The following CFLAR variants were observed in gnomAD, a reference collection of about 807,000 sequenced individuals.
CFLAR encodes the protein CASP8 and FADD-like apoptosis regulator.
A neutral mutation model predicts 51.1 loss-of-function variants in CFLAR; 14 were observed. The observed-to-expected ratio is 0.27, with a 90% CI of 0.18 to 0.43. The LOEUF (loss-of-function observed/expected upper bound fraction) is 0.43, where lower values mean the gene tolerates loss of function less well. CFLAR is among the 20% of genes least tolerant of loss of function. The pLI is 1.00. For missense variants in CFLAR, 390 were observed against 566.5 expected, an observed-to-expected ratio of 0.69 and a Z score of 3.16; for synonymous variants, 210 against 211.6, an observed-to-expected ratio of 0.99 and a Z score of 0.06.
At chr2:201,139,434 T>C (rs1271047230) in intron 4 of CFLAR, 1 of 159,420 alleles carries the variant, frequency 6.3e-6, no homozygotes, top group Non-Finnish European at 1.4e-5. Flanking sequence ...GGGTCTGTGC[T>C]GAGGAGGATT....
Position 201,138,210 on chromosome 2 carries a change from C to A in CFLAR, c.523+2103C>A. On this transcript the variant is annotated intron_variant, in intron 4 of 9. Coordinates refer to ENST00000309955, the MANE Select transcript of CFLAR (RefSeq NM_003879.7). This position sits in a 1 kb window ranked among gnomAD's most constrained non-coding sequence, Gnocchi z 4.0. ...TTTTGTTTGATGTAATGCACCATGG[C>A]GATCTGATACACCGAGTTCCCTTGG... 2.0e-6 allele frequency: 2 copies of A among 979,006 alleles called. No homozygotes were observed. The highest frequency in any genetic ancestry group is 1.7e-6 in the Non-Finnish European group (1 of 605,776). 60.6% of individuals were successfully genotyped at this position (979,006 alleles called of 1,614,324 possible).
chr2:201,161,707 G>A (rs1001480436), intron 9 of CFLAR, among the ~76,000 whole-genome samples: 32 of 148,722 alleles, frequency 2.2e-4, no homozygotes, highest in African/African-American at 6.7e-4. Context: ...GAGCCACTGC[G>A]CCTGGCCACA....
Position 201,130,095 on chromosome 2 carries a change from A to G in CFLAR, c.230A>G (p.Lys77Arg). Residue 77 changes from lysine to arginine, a missense_variant, in exon 2 of 10, where the codon AAA (lysine) becomes AGA (arginine). Transcript: ENST00000309955. ...AAACGTATCTTGAAGATGGACAGAA[A>G]AGCTGTGGAGACCCACCTGCTCAGG... ...LLKRILKMDRKAVETHLLRNP... is the reference protein window; with the variant it reads ...LLKRILKMDRRAVETHLLRNP... 1 of 1,570,968 alleles carries G rather than the reference A, an allele frequency of 6.4e-7. No individual in the cohort carries two copies. The highest frequency in any genetic ancestry group is 8.7e-7 in the Non-Finnish European group (1 of 1,152,712).
In CFLAR at chr2:201,167,003, A is replaced by C. The variant is rs1001113135; in HGVS notation, c.*3030A>C. The C allele has an allele frequency of 1.3e-5, 2 of 152,002 alleles. No homozygotes were observed. The highest frequency in any genetic ancestry group is 2.9e-5 in the Non-Finnish European group (2 of 67,994). The allele number at this position is 152,002 out of a possible 1,614,324, so 9.4% of individuals were successfully genotyped here. ...GAGAGGGCTATTTTTAAAATTTTTT[A>C]AAATTGCTGAACAGGGGTACCTCTG... On this transcript the variant is annotated 3_prime_UTR_variant, in exon 10 of 10. Coordinates refer to ENST00000309955, the MANE Select transcript of CFLAR (RefSeq NM_003879.7).
intron 2 of CFLAR, among the ~76,000 whole-genome samples, chr2:201,132,205 T>G (rs913086714): frequency 6.6e-6 from 1 of 151,994 alleles, no homozygotes; most frequent in Admixed American, 6.6e-5. Context: ...GTGCTAGATT[T>G]ATTTATTCAT....
chr2:201,137,887 C>T (rs542213065), intron 4 of CFLAR: 50 of 787,832 alleles, frequency 6.3e-5, no homozygotes, highest in South Asian at 3.5e-4. Context: ...TCCATGGTGG[C>T]GGCCAGCAGG....
Position 201,138,740 on chromosome 2 carries a change from C to G in CFLAR, c.524-1617C>G, listed in dbSNP as rs2050513128. The G allele has an allele frequency of 1.2e-5, 9 of 777,726 alleles. 1 individual carries two copies. The South Asian group carries it at 1.2e-4, about 10-fold the overall frequency. 48.2% of individuals were successfully genotyped at this position (777,726 alleles called of 1,614,324 possible). A position where few individuals can be genotyped will look rare whatever the true frequency, so the allele number is the denominator to read the frequency against. ...TAAAGCCCGGTTCAAACTTCTTGAC[C>G]TTCTGCACCTCACTGGCCTGGAACT... On this transcript the variant is annotated intron_variant, in intron 4 of 9. Coordinates refer to ENST00000309955, the MANE Select transcript of CFLAR (RefSeq NM_003879.7). The surrounding 1 kb of genome is among the most constrained non-coding windows in gnomAD (Gnocchi z 4.0).
Position 201,145,358 on chromosome 2 carries a change from C to G in CFLAR, c.607-20C>G. On this transcript the variant is annotated intron_variant, in intron 5 of 9. Transcript: ENST00000309955. ...TGAAATAACTAACAGGAAGTATGAC[C>G]TTATTCTTTGTATTTGAAGCTCCAT... The G allele has an allele frequency of 6.6e-7, 1 of 1,522,248 alleles. No homozygotes were observed. Among genetic ancestry groups the G allele is most frequent in the Non-Finnish European group, 9.1e-7 (1 of 1,098,258 alleles). The allele number at this position is 1,522,248 out of a possible 1,614,324, so 94.3% of individuals were successfully genotyped here.
chr2:201,170,247 C>T lies in CFLAR; in HGVS notation c.*6274C>T, dbSNP rs1943931555. The T allele has an allele frequency of 1.3e-5, 2 of 152,214 alleles. No individual in the cohort carries two copies. Among genetic ancestry groups the T allele is most frequent in the Non-Finnish European group, 1.5e-5 (1 of 68,034 alleles). 9.4% of individuals were successfully genotyped at this position (152,214 alleles called of 1,614,324 possible). The stretch of plus-strand genomic sequence containing the variant: ...GGATAAAGAAAATGTGGTACATATA[C>T]ACCATGGAATACTGTGCAGTGCAGC... On this transcript the variant is annotated 3_prime_UTR_variant, in exon 10 of 10. Transcript: ENST00000309955.
Position 201,169,174 on chromosome 2 carries a change from A to G in CFLAR, c.*5201A>G, listed in dbSNP as rs561208451. Reference sequence around the variant, plus strand: ...ACCAAGACAACAATAAGCAAAAAGAACAAAGCTGGAAGCATCACACTACCC... The same window carrying G: ...ACCAAGACAACAATAAGCAAAAAGAGCAAAGCTGGAAGCATCACACTACCC... On this transcript the variant is annotated 3_prime_UTR_variant, in exon 10 of 10. Transcript: ENST00000309955. 1 of 152,304 alleles carries G rather than the reference A, an allele frequency of 6.6e-6. No individual in the cohort carries two copies. Among genetic ancestry groups the G allele is most frequent in the South Asian group, 2.1e-4 (1 of 4,824 alleles). 9.4% of individuals were successfully genotyped at this position (152,304 alleles called of 1,614,324 possible). A position where few individuals can be genotyped will look rare whatever the true frequency, so the allele number is the denominator to read the frequency against.
intron 2 of CFLAR, 70 bp from the exon 3 acceptor site, chr2:201,132,959 A>C (rs1002257372): frequency 1.3e-6 from 2 of 1,534,962 alleles, no homozygotes; most frequent in Non-Finnish European, 8.9e-7. Context: ...TGCATAGGGG[A>C]GGCGTGGGCA....
chr2:201,132,430 A>AATATATATATATATATATATAT (rs35648857), intron 2 of CFLAR, among the ~76,000 whole-genome samples: 4 of 137,960 alleles, frequency 2.9e-5, no homozygotes, highest in African/African-American at 8.3e-5. Context: ...GGGGGGGAAA[A>AATATATATATATATATATATAT]ATATATATAT....
In CFLAR at chr2:201,160,774, C is replaced by T. The variant is rs552260635; in HGVS notation, c.1136C>T (p.Ala379Val). 2.2e-5 allele frequency: 35 copies of T among 1,614,016 alleles called. No individual in the cohort carries two copies. The highest frequency in any genetic ancestry group is 3.3e-5 in the South Asian group (3 of 91,076). The change falls in exon 9 of 10, where the codon GCG becomes GTG. Residue 379 changes from alanine to valine, a missense_variant. By Grantham distance (64) the Ala-to-Val change is moderately conservative. Coordinates refer to ENST00000309955, the MANE Select transcript of CFLAR (RefSeq NM_003879.7). ...DSSLLEVDGP[A>V]MKNVEFKAQK... ...AGCCTCTTGGAGGTGGATGGGCCAG[C>T]GATGAAGAATGTGGAATTCAAGGCT...
chr2:201,164,012 T>A lies in CFLAR; in HGVS notation c.*39T>A, dbSNP rs561342678. On this transcript the variant is annotated 3_prime_UTR_variant, in exon 10 of 10. Transcript: ENST00000309955. ...TGGGCGTAGTGGCTCACACCTGTAA[T>A]CCCAGCACTTTGGGAGGCCAAGGAG... is the stretch of plus-strand genomic sequence containing the variant. The A allele has an allele frequency of 5.6e-5, 88 of 1,571,590 alleles. No individual in the cohort carries two copies. In the South Asian group the frequency reaches 9.9e-4, roughly 18 times the overall value.
Position 201,169,476 on chromosome 2 carries a change from A to G in CFLAR, c.*5503A>G, listed in dbSNP as rs1337267928. 1 of 152,200 alleles carries G rather than the reference A, an allele frequency of 6.6e-6. No homozygotes were observed. The highest frequency in any genetic ancestry group is 1.5e-5 in the Non-Finnish European group (1 of 68,032). 9.4% of individuals were successfully genotyped at this position (152,200 alleles called of 1,614,324 possible). On this transcript the variant is annotated 3_prime_UTR_variant, in exon 10 of 10. Coordinates refer to ENST00000309955, the MANE Select transcript of CFLAR (RefSeq NM_003879.7). Reference sequence around the variant, plus strand: ...AAAATTAACTCAAGATTAAAGACTTAATGTAAAACCTAAAACTATAAAAAC... The same window carrying G: ...AAAATTAACTCAAGATTAAAGACTTGATGTAAAACCTAAAACTATAAAAAC...
rs1201833862 is a variant in CFLAR at position 201,173,763 on chromosome 2, C to T, written c.*9790C>T. 1 of 152,002 alleles carries T rather than the reference C, an allele frequency of 6.6e-6. No individual in the cohort carries two copies. Among genetic ancestry groups the T allele is most frequent in the Non-Finnish European group, 1.5e-5 (1 of 68,032 alleles). The allele number at this position is 152,002 out of a possible 1,614,324, so 9.4% of individuals were successfully genotyped here. ...CTCGGCTCACTGCAACCTCCACCTCCTGAGTTCAAGCGACTCTCCTGCCTC... is the reference window on the plus strand; with the variant it reads ...CTCGGCTCACTGCAACCTCCACCTCTTGAGTTCAAGCGACTCTCCTGCCTC... On this transcript the variant is annotated 3_prime_UTR_variant, in exon 10 of 10. Transcript: ENST00000309955.
chr2:201,161,903 C>T (rs775682094), intron 9 of CFLAR, among the ~76,000 whole-genome samples: 21 of 151,946 alleles, frequency 1.4e-4, no homozygotes, highest in Middle Eastern at 3.4e-3. Flanking sequence ...TCCGCCATCA[C>T]ACCTGGCTAA....
chr2:201,160,337 A>G, intron 8 of CFLAR, 95 bp from the exon 9 acceptor site: 1 of 1,315,436 alleles, frequency 7.6e-7, no homozygotes, highest in Non-Finnish European at 1.0e-6. Context: ...GCTTTTCATA[A>G]TGGAGATTAG....
Position 201,121,517 on chromosome 2 carries a change from ATTT to A in CFLAR, c.-138+5039_-138+5041del, listed in dbSNP as rs1217064848. On this transcript the variant is annotated intron_variant, in intron 1 of 9. Transcript: ENST00000309955. The stretch of plus-strand genomic sequence containing the variant: ...GTGATGAGACTGAAGCAAGTGGGGA[ATTT>A]TTATTTTCTTCTCTACTTTTCTCTA... Among the ~76,000 whole-genome samples, 3 of 152,184 alleles carry A rather than the reference ATTT, an allele frequency of 2.0e-5. No individual in the cohort carries two copies. The East Asian group carries it at 5.8e-4, about 29-fold the overall frequency.
Sources: allele counts gnomAD v4.1 joint callset (sites outside exome capture counted in the v4.1 genomes callset), GRCh38; gene constraint gnomAD v4.1.1; non-coding constraint Gnocchi (gnomAD v3.1); transcripts MANE v1.5; gene names NCBI Gene and HGNC (gene_info 2026-07-23, HGNC 2026-07-21).